PDE4D: variants seen among roughly 807,000 people sequenced by gnomAD.
The protein encoded by PDE4D is phosphodiesterase 4D.
In PDE4D, 24 loss-of-function variants were observed where a neutral mutation model predicts 87.4. The ratio of observed to expected loss-of-function variants is 0.27; its 90% CI spans 0.20 to 0.39. The LOEUF (loss-of-function observed/expected upper bound fraction) is 0.39, where lower values mean the gene tolerates loss of function less well. PDE4D is among the 10% of genes least tolerant of loss of function. PDE4D has a pLI of 1.00. For missense variants in PDE4D, 714 were observed against 1,041.0 expected, an observed-to-expected ratio of 0.69 and a Z score of 4.32; for synonymous variants, 384 against 383.2, an observed-to-expected ratio of 1.00 and a Z score of -0.02.
At chr5:59,425,816 C>A (rs1795116790) in intron 1 of PDE4D, among the ~76,000 whole-genome samples, 1 of 152,146 alleles carries the variant, frequency 6.6e-6, no homozygotes, top group Non-Finnish European at 1.5e-5. Context: ...ATTCAGGATT[C>A]ACAGTCGGAT....
intron 1 of PDE4D, among the ~76,000 whole-genome samples, chr5:59,808,155 C>T (rs148651721): frequency 1.9e-4 from 29 of 152,324 alleles, no homozygotes; most frequent in African/African-American, 6.3e-4. Flanking sequence ...CTGTTCTGCT[C>T]AGGAAACAGG....
intron 1 of PDE4D, among the ~76,000 whole-genome samples, chr5:59,608,024 T>G (rs993579898): frequency 2.6e-5 from 4 of 152,146 alleles, no homozygotes; most frequent in African/African-American, 9.7e-5. Context: ...ACCTCTCTAC[T>G]TGTGCTCAAT....
chr5:60,496,787 A>G (rs1749833181), intron 1 of PDE4D, among the ~76,000 whole-genome samples: 1 of 152,188 alleles, frequency 6.6e-6, no homozygotes, highest in Admixed American at 6.5e-5. Flanking sequence ...TAGCAAAGGA[A>G]GTAAAGGTAG....
intron 2 of PDE4D, among the ~76,000 whole-genome samples, chr5:60,000,374 C>T (rs917214029): frequency 2.6e-4 from 39 of 152,192 alleles, no homozygotes; most frequent in African/African-American, 8.4e-4. Context: ...CCTTCAATGA[C>T]ATTAGCAGAT....
At chr5:58,996,097 A>T (rs992283676) in intron 6 of PDE4D, among the ~76,000 whole-genome samples, 1 of 152,110 alleles carries the variant, frequency 6.6e-6, no homozygotes, top group African/African-American at 2.4e-5. Flanking sequence ...ATGAGAACAC[A>T]TGGACACAGG....
intron 1 of PDE4D, among the ~76,000 whole-genome samples, chr5:60,234,101 C>G (rs548383792): frequency 5.3e-5 from 8 of 151,916 alleles, no homozygotes; most frequent in African/African-American, 1.9e-4. Flanking sequence ...AACAATCACT[C>G]CCTCTTGTCC....
chr5:59,393,800 A>G (rs1788724750), intron 1 of PDE4D, among the ~76,000 whole-genome samples: 1 of 152,168 alleles, frequency 6.6e-6, no homozygotes, highest in East Asian at 1.9e-4. Context: ...TACAGCATCA[A>G]GAAAGTAACA....
intron 6 of PDE4D, among the ~76,000 whole-genome samples, chr5:58,997,333 T>C (rs908316689): frequency 5.3e-5 from 8 of 152,072 alleles, no homozygotes; most frequent in African/African-American, 1.9e-4. Flanking sequence ...ATGCACTAGA[T>C]CATTCAACAA....
intron 6 of PDE4D, chr5:58,999,841 C>T (rs1750110112): frequency 2.0e-6 from 2 of 989,308 alleles, no homozygotes; most frequent in Non-Finnish European, 1.2e-6. Context: ...GCATCTTTCT[C>T]TCCCGAGCTC....
intron 6 of PDE4D, among the ~76,000 whole-genome samples, chr5:58,995,033 G>A (rs1035575367): frequency 1.6e-4 from 24 of 149,118 alleles, no homozygotes; most frequent in African/African-American, 2.2e-4. Context: ...TAAAATAAAT[G>A]CTGGGGAAAA....
chr5:59,205,975 T>G (rs1748704212), intron 2 of PDE4D, among the ~76,000 whole-genome samples: 2 of 152,176 alleles, frequency 1.3e-5, no homozygotes, highest in South Asian at 2.1e-4. Flanking sequence ...GTTATTCTTT[T>G]TCTTTCTGCT....
intron 3 of PDE4D, among the ~76,000 whole-genome samples, chr5:59,942,626 G>T (rs911064160): frequency 2.0e-5 from 3 of 152,138 alleles, no homozygotes; most frequent in Non-Finnish European, 4.4e-5. Flanking sequence ...AGAAATCAAG[G>T]AAGAGAAGAA....
chr5:59,090,816 T>C (rs1433319513), intron 5 of PDE4D, among the ~76,000 whole-genome samples: 1 of 148,376 alleles, frequency 6.7e-6, no homozygotes, highest in Non-Finnish European at 1.5e-5. Flanking sequence ...TCTTTTTTTT[T>C]TTTTTTTTTT....
intron 1 of PDE4D, among the ~76,000 whole-genome samples, chr5:60,508,370 C>T (rs1750416705): frequency 6.6e-6 from 1 of 152,198 alleles, no homozygotes. Context: ...CTTTACCTAA[C>T]TTACTCAACA....
intron 1 of PDE4D, among the ~76,000 whole-genome samples, chr5:60,209,505 A>G (rs1742945557): frequency 6.6e-6 from 1 of 152,190 alleles, no homozygotes. Flanking sequence ...TATGGCATTA[A>G]ATAAAATAGA....
intron 5 of PDE4D, among the ~76,000 whole-genome samples, chr5:59,153,003 C>A (rs9292192): frequency 0.12 from 18,582 of 152,068 alleles, 1,318 homozygotes; most frequent in Middle Eastern, 0.16. Context: ...GAGATCTATT[C>A]TTGCATAGGG....
intron 5 of PDE4D, among the ~76,000 whole-genome samples, chr5:59,139,151 A>G (rs1417427078): frequency 6.6e-6 from 1 of 152,236 alleles, no homozygotes; most frequent in Non-Finnish European, 1.5e-5. Flanking sequence ...CATGGGAGAA[A>G]GGAACCTAGA....
chr5:59,635,699 C>T (rs1357046939), intron 1 of PDE4D, among the ~76,000 whole-genome samples: 1 of 152,128 alleles, frequency 6.6e-6, no homozygotes, highest in African/African-American at 2.4e-5. Flanking sequence ...CTCCTTCATG[C>T]TAAAAACACT....
intron 2 of PDE4D, among the ~76,000 whole-genome samples, chr5:60,101,073 G>A (rs1469982879): frequency 6.6e-6 from 1 of 152,108 alleles, no homozygotes; most frequent in African/African-American, 2.4e-5. Flanking sequence ...AGTTTGTGGG[G>A]TTGAGAATAG....
Sources: gnomAD v4.1 joint callset for allele counts (sites outside exome capture counted in the v4.1 genomes callset) on GRCh38, gnomAD v4.1.1 for gene constraint, MANE v1.5 for transcripts, NCBI Gene and HGNC (gene_info 2026-07-23, HGNC 2026-07-21) for gene names.